Variants in MYH14 observed in about 807,000 individuals in gnomAD.
MYH14 encodes the protein myosin heavy chain 14.
MYH14 carries 123 observed loss-of-function variants against 255.5 expected under a neutral mutation model. That is an observed-to-expected ratio of 0.48 (90% CI 0.42 to 0.56). MYH14 has a LOEUF of 0.56. Among genes scored for constraint, MYH14 ranks in the 20% least tolerant of loss-of-function variants. MYH14 has a pLI of 0.00. For synonymous variants in MYH14, 1,095 were observed against 1,161.2 expected (o/e 0.94, Z 1.16); for missense variants, 2,423 against 2,802.3 (o/e 0.86, Z 3.06).
chr19:50,301,649 C>T lies in MYH14; in HGVS notation c.5470-12C>T, dbSNP rs761918522. ...CTCCACCATGACATCCTTCCTTCCC[C>T]TCCTGCTACAGGTAGAGTCACTGAC... is the stretch of plus-strand genomic sequence containing the variant. On this transcript the variant is annotated splice_polypyrimidine_tract_variant and intron_variant, in intron 39 of 42. Coordinates refer to ENST00000642316, the MANE Select transcript of MYH14 (RefSeq NM_001145809.2). The T allele has an allele frequency of 1.2e-6, 2 of 1,605,042 alleles. No individual in the cohort carries two copies. Among genetic ancestry groups the T allele is most frequent in the South Asian group, 1.1e-5 (1 of 90,928 alleles).
At chr19:50,258,995 T>G (rs529755765) in intron 18 of MYH14, 149 bp from the exon 19 acceptor site, 1 of 1,061,236 alleles carries the variant, frequency 9.4e-7, no homozygotes, top group Non-Finnish European at 1.3e-6. Context: ...GGTTTGAGCA[T>G]TGCTGTCTTC....
In MYH14 at chr19:50,249,093, C is replaced by A. The variant is rs886044300; in HGVS notation, c.1436C>A (p.Ala479Asp). The A allele has an allele frequency of 3.1e-6, 5 of 1,602,624 alleles. No individual in the cohort carries two copies. In the Admixed American group the frequency reaches 5.2e-5, roughly 17 times the overall value. Reference protein sequence around the residue: ...RALDRSPRQGASFLGILDIAG... With the variant: ...RALDRSPRQGDSFLGILDIAG... ...TTGGACCGCAGCCCCCGCCAAGGCG[C>A]CTCCTTCCTGGGCATCCTGGACATC... Residue 479 changes from alanine to aspartate, a missense_variant, in exon 13 of 43, where the codon GCC (alanine) becomes GAC (aspartate). By Grantham distance (126) the Ala-to-Asp change is moderately radical. Transcript: ENST00000642316.
chr19:50,233,103 C>T (rs997989106), intron 10 of MYH14, among the ~76,000 whole-genome samples: 3 of 151,936 alleles, frequency 2.0e-5, no homozygotes, highest in African/African-American at 4.8e-5. Flanking sequence ...CCAGGCTGCG[C>T]GGCACTGGTT....
intron 2 of MYH14, among the ~76,000 whole-genome samples, chr19:50,216,116 T>C (rs748503876): frequency 2.6e-5 from 4 of 152,254 alleles, no homozygotes; most frequent in Non-Finnish European, 5.9e-5. Flanking sequence ...TAACTGCTTC[T>C]GTGAGTGTTG....
chr19:50,236,356 T>C (rs748401156), intron 10 of MYH14, among the ~76,000 whole-genome samples: 6 of 151,176 alleles, frequency 4.0e-5, no homozygotes, highest in Non-Finnish European at 7.4e-5. Context: ...CTACCGTGAA[T>C]ATCCTTGTAA....
chr19:50,251,406 A>G (rs1377725963), intron 15 of MYH14, among the ~76,000 whole-genome samples: 1 of 151,972 alleles, frequency 6.6e-6, no homozygotes, highest in Admixed American at 6.6e-5. Context: ...TCTTGCCCCC[A>G]GAAGGGCCCC....
chr19:50,264,519 G>A (rs550276831), intron 22 of MYH14, among the ~76,000 whole-genome samples: 2 of 152,370 alleles, frequency 1.3e-5, no homozygotes, highest in African/African-American at 4.8e-5. Context: ...TCTTAGGAAT[G>A]TGTGGGGTTT....
chr19:50,249,886 G>T, intron 14 of MYH14, 63 bp downstream of exon 14: 1 of 1,585,522 alleles, frequency 6.3e-7, no homozygotes, highest in Non-Finnish European at 8.6e-7. Flanking sequence ...CAGCATCTGC[G>T]AGACCAGGGT....
At position 50,250,767 on chromosome 19, in the gene MYH14, G is replaced by A. The variant is rs1015829505; in HGVS notation, c.1830+79G>A. 16 of 1,460,472 alleles carry A rather than the reference G, an allele frequency of 1.1e-5. No individual in the cohort carries two copies. In the Admixed American group the frequency reaches 2.3e-4, roughly 21 times the overall value. The allele number at this position is 1,460,472 out of a possible 1,614,324, so 90.5% of individuals were successfully genotyped here. On this transcript the variant is annotated intron_variant, in intron 15 of 42. Coordinates refer to ENST00000642316, the MANE Select transcript of MYH14 (RefSeq NM_001145809.2). This position sits in a 1 kb window ranked among gnomAD's most constrained non-coding sequence, Gnocchi z 5.4. ...CACTGGCTACAGATGGGGGGAGGGT[G>A]CAGAGGGAAAACAGGGTCCTCCTGA...
intron 10 of MYH14, among the ~76,000 whole-genome samples, chr19:50,236,840 G>A (rs924142154): frequency 9.9e-5 from 15 of 152,130 alleles, no homozygotes; most frequent in Admixed American, 8.5e-4. Context: ...TTTAAACTGT[G>A]CAATTCCATA....
intron 27 of MYH14, among the ~76,000 whole-genome samples, chr19:50,273,260 T>C (rs918028998): frequency 3.1e-4 from 39 of 126,184 alleles, no homozygotes; most frequent in Admixed American, 2.7e-3. Flanking sequence ...CACTGCACTC[T>C]AGCCTGGGCA....
At chr19:50,309,562 C>T (rs2036778238) in intron 42 of MYH14, 78 bp from the exon 43 acceptor site, 1 of 863,120 alleles carries the variant, frequency 1.2e-6, no homozygotes, top group Admixed American at 2.2e-5. Flanking sequence ...TCCCCCTCAT[C>T]TCTCTCTCTC....
At chr19:50,225,188 G>A (rs918711922) in intron 6 of MYH14, among the ~76,000 whole-genome samples, 13 of 152,206 alleles carry the variant, frequency 8.5e-5, no homozygotes, top group African/African-American at 3.1e-4. Flanking sequence ...GCCTTACACT[G>A]TTGACAGTTT....
At chr19:50,263,471 G>A in intron 22 of MYH14, 51 bp downstream of exon 22, 1 of 1,361,782 alleles carries the variant, frequency 7.3e-7, no homozygotes, top group Non-Finnish European at 1.0e-6. Flanking sequence ...TAGGGCCTTG[G>A]GGCTTGGTCT....
At chr19:50,213,262 T>C (rs1307913792) in intron 2 of MYH14, among the ~76,000 whole-genome samples, 2 of 152,126 alleles carry the variant, frequency 1.3e-5, no homozygotes, top group Non-Finnish European at 1.5e-5. Flanking sequence ...CTTTGCCTTT[T>C]AATAAATACT....
chr19:50,287,786 A>G (rs1035967417), intron 34 of MYH14, among the ~76,000 whole-genome samples: 1 of 152,176 alleles, frequency 6.6e-6, no homozygotes, highest in Admixed American at 6.6e-5. Flanking sequence ...CTCACCACAC[A>G]TATGTATGGA....
rs1429239889 is a variant in MYH14 at position 50,309,841 on chromosome 19, C to T, written c.*51C>T. The T allele has an allele frequency of 8.4e-6, 13 of 1,539,340 alleles. No individual in the cohort carries two copies. The highest frequency in any genetic ancestry group is 2.7e-5 in the African/African-American group (2 of 72,738). On this transcript the variant is annotated 3_prime_UTR_variant, in exon 43 of 43. Coordinates refer to ENST00000642316, the MANE Select transcript of MYH14 (RefSeq NM_001145809.2). ...ACAGATGGGGCCCAGCCCCCTTCCT[C>T]CCTGGACCCCACGGGCCCCTGTCCC...
chr19:50,306,044 C>T (rs918194896), intron 40 of MYH14, among the ~76,000 whole-genome samples: 22 of 152,098 alleles, frequency 1.4e-4, no homozygotes, highest in East Asian at 9.7e-4. Flanking sequence ...TTTGGGAGGC[C>T]GAGGCGGGCG....
At chr19:50,254,389 G>A (rs2034516226) in intron 16 of MYH14, among the ~76,000 whole-genome samples, 1 of 152,190 alleles carries the variant, frequency 6.6e-6, no homozygotes, top group African/African-American at 2.4e-5. Flanking sequence ...AGATTGGAAA[G>A]CAGAGTTTGA....
Sources: allele counts gnomAD v4.1 joint callset (sites outside exome capture counted in the v4.1 genomes callset), GRCh38; gene constraint gnomAD v4.1.1; non-coding constraint Gnocchi (gnomAD v3.1); transcripts MANE v1.5; gene names NCBI Gene and HGNC (gene_info 2026-07-23, HGNC 2026-07-21).